FSTL5: variants seen among roughly 807,000 people sequenced by gnomAD.
FSTL5 encodes the protein follistatin-related protein 5.
In FSTL5, 62 loss-of-function variants were observed where a neutral mutation model predicts 89.1. The observed-to-expected ratio is 0.70, with a 90% CI of 0.57 to 0.86. FSTL5 has a LOEUF of 0.86. Among genes scored for constraint, FSTL5 ranks in the 40% least tolerant of loss-of-function variants. FSTL5 has a pLI of 0.00. For missense variants in FSTL5, 1,057 were observed against 1,001.6 expected, an observed-to-expected ratio of 1.06 and a Z score of -0.75; for synonymous variants, 383 against 346.2, an observed-to-expected ratio of 1.11 and a Z score of -1.18.
intron 2 of FSTL5, among the ~76,000 whole-genome samples, chr4:162,037,016 T>C (rs564139016): frequency 1.5e-4 from 23 of 152,032 alleles, no homozygotes; most frequent in African/African-American, 5.5e-4. Context: ...GTTTGTTGTT[T>C]ATTGGCCTTT....
At chr4:161,405,209 G>T (rs981083892) in intron 15 of FSTL5, among the ~76,000 whole-genome samples, 7 of 150,756 alleles carry the variant, frequency 4.6e-5, no homozygotes, top group African/African-American at 1.7e-4. Context: ...CTCTGGCCTG[G>T]ACAACAAGAG....
chr4:161,560,732 T>C (rs1732566392), intron 8 of FSTL5, among the ~76,000 whole-genome samples: 1 of 151,942 alleles, frequency 6.6e-6, no homozygotes, highest in Admixed American at 6.6e-5. Context: ...CCACGTCTTG[T>C]CTCACTGGAA....
chr4:161,982,857 A>G (rs1735862404), intron 3 of FSTL5, among the ~76,000 whole-genome samples: 2 of 152,180 alleles, frequency 1.3e-5, no homozygotes, highest in African/African-American at 2.4e-5. Flanking sequence ...GATTTTGATA[A>G]TGCCTACAAT....
intron 2 of FSTL5, among the ~76,000 whole-genome samples, chr4:162,073,637 C>A (rs551976298): frequency 5.3e-5 from 8 of 151,762 alleles, no homozygotes; most frequent in African/African-American, 1.9e-4. Context: ...TAAAAAATAT[C>A]TATTGTACAG....
At chr4:161,822,888 T>A (rs2126852600) in intron 4 of FSTL5, among the ~76,000 whole-genome samples, 1 of 152,278 alleles carries the variant, frequency 6.6e-6, no homozygotes, top group South Asian at 2.1e-4. Context: ...AGCTCCTTTC[T>A]GCAGGCAGGT....
chr4:161,721,303 AAAAAAT>A (rs1340200994), intron 6 of FSTL5, among the ~76,000 whole-genome samples: 3 of 150,966 alleles, frequency 2.0e-5, no homozygotes, highest in Non-Finnish European at 4.4e-5. Flanking sequence ...AAAAAAAAAA[AAAAAAT>A]TTTTCTAAGA....
intron 4 of FSTL5, among the ~76,000 whole-genome samples, chr4:161,895,447 G>C (rs1327525881): frequency 6.6e-6 from 1 of 152,102 alleles, no homozygotes; most frequent in Non-Finnish European, 1.5e-5. Context: ...AACAGGAACA[G>C]ATATTGAGGC....
At chr4:161,542,949 C>T (rs1729016904) in intron 8 of FSTL5, among the ~76,000 whole-genome samples, 1 of 151,674 alleles carries the variant, frequency 6.6e-6, no homozygotes, top group Non-Finnish European at 1.5e-5. Flanking sequence ...TAAACAAGTC[C>T]TCAAAGAATG....
intron 2 of FSTL5, among the ~76,000 whole-genome samples, chr4:162,043,020 G>A (rs1259697113): frequency 4.0e-5 from 6 of 151,310 alleles, no homozygotes; most frequent in Admixed American, 2.0e-4. Flanking sequence ...TGGGTGCAGC[G>A]CACCAGCATG....
intron 6 of FSTL5, among the ~76,000 whole-genome samples, chr4:161,664,298 G>C (rs1254308238): frequency 6.6e-6 from 1 of 152,154 alleles, no homozygotes; most frequent in Non-Finnish European, 1.5e-5. Context: ...CAAATTGTAT[G>C]CTCAGTTTCC....
intron 13 of FSTL5, among the ~76,000 whole-genome samples, chr4:161,475,141 G>T (rs998144833): frequency 6.6e-6 from 1 of 151,112 alleles, no homozygotes; most frequent in African/African-American, 2.4e-5. Flanking sequence ...TACACAGTAT[G>T]TGTAGAGTTG....
chr4:162,053,534 G>A (rs1156985819), intron 2 of FSTL5, among the ~76,000 whole-genome samples: 1 of 151,686 alleles, frequency 6.6e-6, no homozygotes, highest in Non-Finnish European at 1.5e-5. Flanking sequence ...ATGGATGGCA[G>A]TGGAATCAAC....
At chr4:161,973,231 T>G (rs186819132) in intron 3 of FSTL5, among the ~76,000 whole-genome samples, 1 of 152,278 alleles carries the variant, frequency 6.6e-6, no homozygotes, top group Non-Finnish European at 1.5e-5. Context: ...TTGCACAGAT[T>G]TAACCCAACA....
intron 5 of FSTL5, among the ~76,000 whole-genome samples, chr4:161,773,102 C>T (rs923716685): frequency 6.6e-6 from 1 of 152,058 alleles, no homozygotes; most frequent in Non-Finnish European, 1.5e-5. Context: ...GGGAAGGACA[C>T]TCTATTCAAC....
chr4:162,154,265 GTAAT>G (rs1225637457), intron 1 of FSTL5, among the ~76,000 whole-genome samples: 27 of 151,978 alleles, frequency 1.8e-4, no homozygotes, highest in African/African-American at 6.0e-4. Flanking sequence ...TTTTTTCTGT[GTAAT>G]TAATGTTAGT....
chr4:161,997,310 T>C (rs1736324033), intron 3 of FSTL5, among the ~76,000 whole-genome samples: 1 of 152,190 alleles, frequency 6.6e-6, no homozygotes, highest in Non-Finnish European at 1.5e-5. Context: ...TTAAGATGTA[T>C]AGCAAAATGG....
intron 15 of FSTL5, among the ~76,000 whole-genome samples, chr4:161,439,895 A>G (rs1451022582): frequency 6.6e-6 from 1 of 152,152 alleles, no homozygotes; most frequent in Admixed American, 6.5e-5. Flanking sequence ...TAGTTCCCCA[A>G]GTGAATGGCC....
At chr4:161,756,604 C>T (rs371865240) in intron 6 of FSTL5, among the ~76,000 whole-genome samples, 3 of 151,982 alleles carry the variant, frequency 2.0e-5, no homozygotes, top group African/African-American at 7.2e-5. Flanking sequence ...AAGGACGATG[C>T]ACTGATGTAC....
intron 7 of FSTL5, among the ~76,000 whole-genome samples, chr4:161,631,916 T>A (rs1735518261): frequency 1.3e-5 from 2 of 152,180 alleles, no homozygotes; most frequent in African/African-American, 4.8e-5. Context: ...GGAACTCAGG[T>A]AAAGCATTTT....
Sources: allele counts gnomAD v4.1 joint callset (sites outside exome capture counted in the v4.1 genomes callset), GRCh38; gene constraint gnomAD v4.1.1; transcripts MANE v1.5; gene names NCBI Gene and HGNC (gene_info 2026-07-23, HGNC 2026-07-21).